The following CNBD2 variants were observed in gnomAD, a reference collection of about 807,000 sequenced individuals.
CNBD2 encodes the protein cyclic nucleotide-binding domain-containing protein 2.
Under a neutral mutation model 63.7 loss-of-function variants are expected in CNBD2, and 64 were observed. The ratio of observed to expected loss-of-function variants is 1.00; its 90% CI spans 0.82 to 1.24. CNBD2 has a LOEUF of 1.24. CNBD2 is among the 50% of genes most tolerant of loss of function. The pLI is 0.00. For missense variants in CNBD2, 691 were observed against 713.5 expected (o/e 0.97, Z 0.36); for synonymous variants, 229 against 255.4 (o/e 0.90, Z 0.99).
intron 8 of CNBD2, among the ~76,000 whole-genome samples, chr20:36,003,306 T>C (rs1169827141): frequency 6.6e-6 from 1 of 152,216 alleles, no homozygotes; most frequent in Non-Finnish European, 1.5e-5. Flanking sequence ...ATTTTCCTAC[T>C]TCTTTGTATC....
chr20:36,028,992 A>G (rs2057313162), intron 11 of CNBD2, among the ~76,000 whole-genome samples: 1 of 152,158 alleles, frequency 6.6e-6, no homozygotes, highest in South Asian at 2.1e-4. Flanking sequence ...GATTTTTTAA[A>G]GCCTGAAAGG....
chr20:35,980,402 C>T, intron 3 of CNBD2, 57 bp from the exon 4 acceptor site: 2 of 1,554,816 alleles, frequency 1.3e-6, no homozygotes, highest in Non-Finnish European at 1.8e-6. Context: ...GTGTTGCCCG[C>T]TGGCCCATGG....
At chr20:36,018,774 C>T (rs2057168813) in intron 10 of CNBD2, among the ~76,000 whole-genome samples, 1 of 152,168 alleles carries the variant, frequency 6.6e-6, no homozygotes, top group Admixed American at 6.5e-5. Context: ...CAGGCCAGAG[C>T]CATGGGCAGC....
chr20:36,001,846 G>C (rs868385671), intron 8 of CNBD2, among the ~76,000 whole-genome samples: 1 of 151,228 alleles, frequency 6.6e-6, no homozygotes, highest in Non-Finnish European at 1.5e-5. Flanking sequence ...GATGGCGGCC[G>C]GGAAGAGGCG....
chr20:35,998,751 T>C (rs1421735132), intron 8 of CNBD2, among the ~76,000 whole-genome samples: 3 of 152,010 alleles, frequency 2.0e-5, no homozygotes, highest in Non-Finnish European at 4.4e-5. Context: ...CGCATGCCTG[T>C]AGTCCCAGCT....
At chr20:35,966,705 C>T (rs555180376), upstream of CNBD2, among the ~76,000 whole-genome samples, 2 of 152,176 alleles carry the variant, frequency 1.3e-5, no homozygotes, top group South Asian at 4.1e-4. Flanking sequence ...TATGCACCCA[C>T]GTTCCAGGGC....
At chr20:36,030,100 A>T (rs1289332604) in intron 11 of CNBD2, among the ~76,000 whole-genome samples, 1 of 152,218 alleles carries the variant, frequency 6.6e-6, no homozygotes, top group Admixed American at 6.5e-5. Context: ...TGTATTTTAC[A>T]CTCACAGCAC....
chr20:35,966,706 G>A (rs140304678), upstream of CNBD2, among the ~76,000 whole-genome samples: 613 of 151,934 alleles, frequency 4.0e-3, 6 homozygotes, highest in African/African-American at 0.014. Context: ...ATGCACCCAC[G>A]TTCCAGGGCC....
intron 9 of CNBD2, 116 bp downstream of exon 9, chr20:36,008,590 C>A: frequency 1.9e-6 from 2 of 1,052,058 alleles, no homozygotes; most frequent in East Asian, 2.6e-5. Context: ...GGACACAGGT[C>A]AATCCCAAAG....
intron 3 of CNBD2, among the ~76,000 whole-genome samples, chr20:35,978,198 CAG>C (rs1239483422): frequency 3.9e-5 from 6 of 152,144 alleles, no homozygotes; most frequent in Admixed American, 3.9e-4. Flanking sequence ...GTTTTTGAGA[CAG>C]AGTCTTGCTG....
At chr20:36,011,111 C>A in intron 9 of CNBD2, 26 bp from the exon 10 acceptor site, 1 of 1,494,874 alleles carries the variant, frequency 6.7e-7, no homozygotes. Context: ...TACAGATGAG[C>A]TCTCTAACAA....
chr20:35,984,391 T>G (rs1407492613), intron 5 of CNBD2, among the ~76,000 whole-genome samples: 1 of 152,222 alleles, frequency 6.6e-6, no homozygotes, highest in Non-Finnish European at 1.5e-5. Flanking sequence ...CCTCTCCAGC[T>G]TCCTCCCCTC....
downstream of CNBD2, among the ~76,000 whole-genome samples, chr20:35,957,114 C>T (rs146869457): frequency 3.7e-3 from 560 of 152,194 alleles, no homozygotes; most frequent in Non-Finnish European, 5.9e-3. Flanking sequence ...CTATTGAAAT[C>T]GTGAATTATT....
chr20:35,997,786 A>G (rs990831910), intron 8 of CNBD2, among the ~76,000 whole-genome samples: 30 of 152,362 alleles, frequency 2.0e-4, no homozygotes, highest in African/African-American at 6.0e-4. Context: ...ATGAGGCCTT[A>G]TAAGTACTCA....
At chr20:36,019,306 G>A (rs2057175780) in intron 10 of CNBD2, among the ~76,000 whole-genome samples, 3 of 151,818 alleles carry the variant, frequency 2.0e-5, no homozygotes, top group Admixed American at 6.6e-5. Context: ...AAGGAGGATG[G>A]CTGAGGCCAG....
intron 9 of CNBD2, among the ~76,000 whole-genome samples, chr20:36,010,383 G>A (rs1601086387): frequency 6.6e-6 from 1 of 150,512 alleles, no homozygotes; most frequent in Admixed American, 6.6e-5. Context: ...AATCTAGGTT[G>A]CAGTGAGCCA....
chr20:35,991,380 G>T (rs949830794), intron 7 of CNBD2, among the ~76,000 whole-genome samples: 2 of 152,204 alleles, frequency 1.3e-5, no homozygotes, highest in Admixed American at 1.3e-4. Context: ...ACCACCAGGG[G>T]CGTGGTGTGT....
At chr20:36,024,219 C>T (rs541858653) in intron 11 of CNBD2, among the ~76,000 whole-genome samples, 1 of 152,284 alleles carries the variant, frequency 6.6e-6, no homozygotes, top group South Asian at 2.1e-4. Flanking sequence ...CCTGTAATCC[C>T]AACTACTCAG....
At position 36,030,411 on chromosome 20, in the gene CNBD2, G is replaced by A; in HGVS notation, c.1494G>A (p.Arg498=). The part of the protein sequence containing the change: ...FLQQNSWNIF[R]KDLLQLLVEP... ...AGCAGAACAGCTGGAATATCTTTCG[G>A]AAGGACCTGTTGCAGCTGCTCGTGG... is the stretch of plus-strand genomic sequence containing the variant. The change falls in exon 12 of 12, where the codon CGG becomes CGA. Residue 498 remains arginine (R), a synonymous_variant. Transcript: ENST00000373973. 1 of 1,614,162 alleles carries A rather than the reference G, an allele frequency of 6.2e-7. No homozygotes were observed. The highest frequency in any genetic ancestry group is 2.2e-5 in the East Asian group (1 of 44,882).
Sources: allele counts gnomAD v4.1 joint callset (sites outside exome capture counted in the v4.1 genomes callset), GRCh38; gene constraint gnomAD v4.1.1; transcripts MANE v1.5; gene names NCBI Gene and HGNC (gene_info 2026-07-23, HGNC 2026-07-21).